The following SHB variants were observed in gnomAD, a reference collection of about 807,000 sequenced individuals.
SHB encodes SH2 domain containing adaptor protein B, also known as SH2 domain-containing adapter protein B.
A neutral mutation model predicts 52.3 loss-of-function variants in SHB; 20 were observed. The ratio of observed to expected loss-of-function variants is 0.38; its 90% CI spans 0.27 to 0.56. The LOEUF is 0.56. Among genes scored for constraint, SHB ranks in the 20% least tolerant of loss-of-function variants. The pLI, the probability that SHB is intolerant of heterozygous loss-of-function variation, is 0.71. For synonymous variants in SHB, 397 were observed against 316.5 expected, an observed-to-expected ratio of 1.25 and a Z score of -2.70; for missense variants, 825 against 723.3, an observed-to-expected ratio of 1.14 and a Z score of -1.61.
chr9:37,992,871 A>T, intron 2 of SHB, among the ~76,000 whole-genome samples: 1 of 120,616 alleles, frequency 8.3e-6, no homozygotes, highest in Non-Finnish European at 1.9e-5. Context: ...ATGCATGCAC[A>T]CACACACAAA....
intron 2 of SHB, among the ~76,000 whole-genome samples, chr9:38,002,543 GGCTAGGACTTCA>G (rs1250817205): frequency 1.3e-5 from 2 of 152,092 alleles, no homozygotes; most frequent in African/African-American, 4.8e-5. Context: ...AGGGGCCCTG[GGCTAGGACTTCA>G]GCTCAGGCCA....
At chr9:38,009,970 A>T (rs1435197614) in intron 2 of SHB, among the ~76,000 whole-genome samples, 1 of 152,382 alleles carries the variant, frequency 6.6e-6, no homozygotes, top group East Asian at 1.9e-4. Context: ...CTGTGAGATG[A>T]CACTTTGAAC....
chr9:38,066,912 A>G (rs904832136), intron 1 of SHB, among the ~76,000 whole-genome samples: 1 of 152,078 alleles, frequency 6.6e-6, no homozygotes, highest in African/African-American at 2.4e-5. Flanking sequence ...AGGTGGGGAG[A>G]ACAACAGCCA....
chr9:38,067,924 C>A lies in SHB; in HGVS notation c.717+5G>T, dbSNP rs1821991778. 6.6e-7 allele frequency: 1 copy of A among 1,513,914 alleles called. No homozygotes were observed. The highest frequency in any genetic ancestry group is 2.6e-5 in the East Asian group (1 of 37,806). 93.8% of individuals were successfully genotyped at this position (1,513,914 alleles called of 1,614,324 possible). On this transcript the variant is annotated splice_donor_5th_base_variant and intron_variant, in intron 1 of 5. Transcript: ENST00000377707. ...ACCTCGGGAAGAGGCCAAGGGGCAC[C>A]TTACCTTGTCCTTCTTGCCGGCCCC...
intron 4 of SHB, 98 bp from the exon 5 acceptor site, chr9:37,948,852 G>A: frequency 1.3e-6 from 2 of 1,489,762 alleles, no homozygotes; most frequent in Non-Finnish European, 9.2e-7. Flanking sequence ...GAGCCTCCCT[G>A]TACAAGCAGG....
chr9:38,015,123 C>T (rs1821194244), intron 2 of SHB, among the ~76,000 whole-genome samples: 1 of 152,238 alleles, frequency 6.6e-6, no homozygotes, highest in Non-Finnish European at 1.5e-5. Flanking sequence ...CCCTGCAGCA[C>T]AATGTGCTGA....
At chr9:37,967,918 C>T (rs1010647248) in intron 3 of SHB, among the ~76,000 whole-genome samples, 9 of 152,324 alleles carry the variant, frequency 5.9e-5, no homozygotes, top group Non-Finnish European at 1.0e-4. Flanking sequence ...GCCCAATCCT[C>T]GGGAGGGACT....
At chr9:38,064,400 T>G (rs1432278053) in intron 1 of SHB, among the ~76,000 whole-genome samples, 1 of 152,232 alleles carries the variant, frequency 6.6e-6, no homozygotes, top group Non-Finnish European at 1.5e-5. Flanking sequence ...CCCAGCTGCA[T>G]GAAAGTGCTG....
intron 2 of SHB, among the ~76,000 whole-genome samples, chr9:38,012,291 T>C (rs541207086): frequency 5.0e-4 from 76 of 152,262 alleles, no homozygotes; most frequent in Non-Finnish European, 8.2e-4. Flanking sequence ...CTCCACATGA[T>C]GGTTCAAACA....
chr9:37,946,931 C>T (rs1235382086), intron 5 of SHB, among the ~76,000 whole-genome samples: 1 of 152,198 alleles, frequency 6.6e-6, no homozygotes, highest in Non-Finnish European at 1.5e-5. Context: ...GCTGATGCCA[C>T]CTGCTTCCTT....
intron 1 of SHB, among the ~76,000 whole-genome samples, chr9:38,061,286 G>T (rs1261181645): frequency 6.6e-6 from 1 of 151,184 alleles, no homozygotes; most frequent in East Asian, 1.9e-4. Flanking sequence ...ACTCCAGTAT[G>T]GGGGACAGGA....
intron 4 of SHB, among the ~76,000 whole-genome samples, chr9:37,950,947 T>G (rs1335632743): frequency 1.3e-5 from 2 of 152,344 alleles, no homozygotes; most frequent in African/African-American, 4.8e-5. Context: ...TGCTGCCTCC[T>G]GGTGCCTGTC....
chr9:37,927,435 G>A (rs747007738), intron 5 of SHB, among the ~76,000 whole-genome samples: 10 of 152,200 alleles, frequency 6.6e-5, no homozygotes, highest in Non-Finnish European at 1.2e-4. Flanking sequence ...CATCAGCAGC[G>A]ATTAGCCTAC....
intron 1 of SHB, among the ~76,000 whole-genome samples, chr9:38,027,570 G>A (rs553571586): frequency 4.6e-5 from 7 of 151,612 alleles, no homozygotes; most frequent in African/African-American, 1.7e-4. Flanking sequence ...GGGAAAATGG[G>A]CCTGAGAAGG....
At chr9:38,018,489 T>C (rs553508841) in intron 1 of SHB, among the ~76,000 whole-genome samples, 9 of 143,878 alleles carry the variant, frequency 6.3e-5, no homozygotes, top group South Asian at 2.4e-4. Context: ...CTGCTGACAG[T>C]TGAAAATCCT....
At chr9:38,029,552 C>T (rs568144486) in intron 1 of SHB, among the ~76,000 whole-genome samples, 8 of 151,886 alleles carry the variant, frequency 5.3e-5, no homozygotes, top group East Asian at 1.9e-4. Context: ...AGTGCAATGG[C>T]GTGATCTAGG....
At chr9:38,058,888 ACCCACATAAAAAGCAT>A (rs1230404721) in intron 1 of SHB, among the ~76,000 whole-genome samples, 2 of 152,112 alleles carry the variant, frequency 1.3e-5, no homozygotes, top group Admixed American at 6.5e-5. Flanking sequence ...CTCTCTGAGC[ACCCACATAAAAAGCAT>A]CCCACCCCAA....
chr9:37,991,643 G>T (rs1052441974), intron 2 of SHB, among the ~76,000 whole-genome samples: 2 of 152,134 alleles, frequency 1.3e-5, no homozygotes, highest in Non-Finnish European at 2.9e-5. Context: ...CAGCTACAAG[G>T]ACAGGCCTAA....
In SHB at chr9:37,948,578, C is replaced by T. The variant is rs1832521285; in HGVS notation, c.1346+57G>A. 43 of 1,594,726 alleles carry T rather than the reference C, an allele frequency of 2.7e-5. No homozygotes were observed. The South Asian group carries it at 3.5e-4, about 13-fold the overall frequency. ...GTTTTTCTGCCACAGACACGGTGGC[C>T]GGCTGCGCTCGCAGAGGCTGCCGAG... On this transcript the variant is annotated intron_variant, in intron 5 of 5. Coordinates refer to ENST00000377707, the MANE Select transcript of SHB (RefSeq NM_003028.3).
Sources: allele counts gnomAD v4.1 joint callset (sites outside exome capture counted in the v4.1 genomes callset), GRCh38; gene constraint gnomAD v4.1.1; transcripts MANE v1.5; gene names NCBI Gene and HGNC (gene_info 2026-07-23, HGNC 2026-07-21).